Variants in PEG3 observed in about 807,000 individuals in gnomAD.
The protein encoded by PEG3 is paternally expressed 3, also known as paternally-expressed gene 3 protein.
Under a neutral mutation model 35.5 loss-of-function variants are expected in PEG3, and 23 were observed. That is an observed-to-expected ratio of 0.65 (90% CI 0.47 to 0.92). The LOEUF (loss-of-function observed/expected upper bound fraction) is 0.92. Ranked by LOEUF, PEG3 falls within the 40% of genes least tolerant of loss-of-function variation. The pLI, the probability that PEG3 is intolerant of heterozygous loss-of-function variation, is 0.00. For synonymous variants in PEG3, 707 were observed against 697.0 expected (o/e 1.01, Z -0.23); for missense variants, 1,960 against 1,985.3 (o/e 0.99, Z 0.24).
intron 7 of PEG3, 77 bp downstream of exon 7, chr19:56,821,574 A>G: frequency 6.4e-7 from 1 of 1,562,560 alleles, no homozygotes; most frequent in Non-Finnish European, 8.7e-7. Flanking sequence ...AGATAAACAC[A>G]CCATCTGGGG....
Position 56,812,635 on chromosome 19 carries a change from G to A in PEG3, c.*1040C>T, listed in dbSNP as rs1426540655. The A allele has an allele frequency of 2.0e-6, 2 of 985,668 alleles. No homozygotes were observed. The highest frequency in any genetic ancestry group is 2.4e-6 in the Non-Finnish European group (2 of 829,892). The allele number at this position is 985,668 out of a possible 1,614,324, so 61.1% of individuals were successfully genotyped here. A position where few individuals can be genotyped will look rare whatever the true frequency, so the allele number is the denominator to read the frequency against. On this transcript the variant is annotated 3_prime_UTR_variant, in exon 10 of 10. Transcript: ENST00000326441. The stretch of plus-strand genomic sequence containing the variant: ...GAAGCGCACAAAGGAAGTGATGAAA[G>A]GTTATTAGCCTGCAACATTATTTAC...
At chr19:56,819,098 T>C (rs1397492328) in intron 7 of PEG3, among the ~76,000 whole-genome samples, 1 of 152,146 alleles carries the variant, frequency 6.6e-6, no homozygotes, top group Non-Finnish European at 1.5e-5. Flanking sequence ...AGGTGGGGCC[T>C]TAAGTGGTAA....
intron 2 of PEG3, among the ~76,000 whole-genome samples, chr19:56,834,941 T>C (rs751872112): frequency 6.6e-6 from 1 of 152,192 alleles, no homozygotes; most frequent in Non-Finnish European, 1.5e-5. Context: ...CAATGCTTGC[T>C]AACAAATGAA....
rs1568646105 is a variant in PEG3, at chr19:56,817,472, G to GT, written c.969dup (p.Arg324ThrfsTer24). The GT allele has an allele frequency of 6.2e-7, 1 of 1,613,514 alleles. No individual in the cohort carries two copies. The highest frequency in any genetic ancestry group is 1.1e-5 in the South Asian group (1 of 91,050). The stretch of plus-strand genomic sequence containing the variant: ...CTTGCTCTTCCCGATTTGGAACTGC[G>GT]TGACACATCCTTGATGAATTTTTCC... On this transcript the variant is annotated frameshift_variant, in exon 10 of 10. Coordinates refer to ENST00000326441, the MANE Select transcript of PEG3 (RefSeq NM_006210.3). LOFTEE classifies it low-confidence loss of function (END_TRUNC).
intron 2 of PEG3, among the ~76,000 whole-genome samples, chr19:56,835,746 C>A (rs537975991): frequency 6.6e-6 from 1 of 152,310 alleles, no homozygotes; most frequent in Non-Finnish European, 1.5e-5. Context: ...TCTCATGCTT[C>A]TTTAATCACC....
rs760783630 is a variant in PEG3 at position 56,815,447 on chromosome 19, T to A, written c.2995A>T (p.Ser999Cys). Residue 999 changes from serine (S) to cysteine (C), a missense_variant, in exon 10 of 10, where the codon AGC becomes TGC. Ser to Cys is a moderately radical substitution (Grantham distance 112). Transcript: ENST00000326441. Reference protein sequence around the residue: ...KIHDREKPSGSRNYEWSVIRS... With the variant: ...KIHDREKPSGCRNYEWSVIRS... ...ATGACAGACCATTCATAGTTTCTGCTTCCAGAGGGCTTCTCCCTATCATGA... is the reference window on the plus strand; with the variant it reads ...ATGACAGACCATTCATAGTTTCTGCATCCAGAGGGCTTCTCCCTATCATGA... The A allele has an allele frequency of 1.2e-6, 2 of 1,614,132 alleles. No individual in the cohort carries two copies. The highest frequency in any genetic ancestry group is 1.7e-6 in the Non-Finnish European group (2 of 1,179,976).
intron 2 of PEG3, among the ~76,000 whole-genome samples, chr19:56,834,905 A>G (rs193234325): frequency 4.3e-4 from 65 of 152,296 alleles, no homozygotes; most frequent in Admixed American, 2.0e-3. Context: ...GCCTGGCATG[A>G]TCCTGTCCTG....
chr19:56,816,559 T>G lies in PEG3; in HGVS notation c.1883A>C (p.Glu628Ala), dbSNP rs2059995744. 3.7e-6 allele frequency: 6 copies of G among 1,613,940 alleles called. No homozygotes were observed. Among genetic ancestry groups the G allele is most frequent in the Non-Finnish European group, 5.1e-6 (6 of 1,179,976 alleles). Reference sequence around the variant, plus strand: ...GAAAGTCTCCCCACACACCTTACATTCGTACATTTTCTCTTTACCATACAT... The same window carrying G: ...GAAAGTCTCCCCACACACCTTACATGCGTACATTTTCTCTTTACCATACAT... ...QKMYGKEKMY[E>A]CKVCGETFLH... Residue 628 changes from glutamate to alanine, a missense_variant, in exon 10 of 10, where the codon GAA becomes GCA. Glu to Ala is a moderately radical substitution (Grantham distance 107). Coordinates refer to ENST00000326441, the MANE Select transcript of PEG3 (RefSeq NM_006210.3).
chr19:56,835,524 C>T (rs1192840025), intron 2 of PEG3, among the ~76,000 whole-genome samples: 5 of 152,212 alleles, frequency 3.3e-5, no homozygotes, highest in Non-Finnish European at 7.3e-5. Flanking sequence ...CTCAGGGAGG[C>T]CCCTATGTGG....
rs1172221593 is a variant in PEG3, at chr19:56,810,768, T to C, written c.*2907A>G. The C allele has an allele frequency of 1.0e-5, 10 of 982,152 alleles. No homozygotes were observed. The highest frequency in any genetic ancestry group is 5.2e-4 in the Middle Eastern group (1 of 1,924). The allele number at this position is 982,152 out of a possible 1,614,324, so 60.8% of individuals were successfully genotyped here. ...CACAAGCGTGTGCACTGAAACAAGA[T>C]AGAGGAAACAGATCAAGATGTTAGC... is the stretch of plus-strand genomic sequence containing the variant. On this transcript the variant is annotated 3_prime_UTR_variant, in exon 10 of 10. Transcript: ENST00000326441.
chr19:56,811,544 GA>G lies in PEG3; in HGVS notation c.*2130del. The G allele has an allele frequency of 2.0e-6, 2 of 985,282 alleles. No individual in the cohort carries two copies. Among genetic ancestry groups the G allele is most frequent in the Non-Finnish European group, 2.4e-6 (2 of 829,858 alleles). The allele number at this position is 985,282 out of a possible 1,614,324, so 61.0% of individuals were successfully genotyped here. A position where few individuals can be genotyped will look rare whatever the true frequency, so the allele number is the denominator to read the frequency against. ...ATTTGTTACTACCTTTTCACTAGCTGAAGGTTGGAACGGACACCCTGACTTA... is the reference window on the plus strand; with the variant it reads ...ATTTGTTACTACCTTTTCACTAGCTGAGGTTGGAACGGACACCCTGACTTA... On this transcript the variant is annotated 3_prime_UTR_variant, in exon 10 of 10. Transcript: ENST00000326441.
rs573640401 is a variant in PEG3 at position 56,828,720 on chromosome 19, T to C, written c.-162-2257A>G. On this transcript the variant is annotated intron_variant, in intron 2 of 9. Coordinates refer to ENST00000326441, the MANE Select transcript of PEG3 (RefSeq NM_006210.3). ...AAAAGGCTTTTGGCATTAGGAAAAA[T>C]AGCCCAATATGAAAATAAACAACAC... Among the ~76,000 whole-genome samples the C allele has an allele frequency of 1.9e-4, 29 of 152,284 alleles. No individual in the cohort carries two copies. In the South Asian group the frequency reaches 4.8e-3, roughly 25 times the overall value.
At chr19:56,821,827 A>C in intron 6 of PEG3, 73 bp from the exon 7 acceptor site, 1 of 1,522,404 alleles carries the variant, frequency 6.6e-7, no homozygotes, top group South Asian at 1.1e-5. Context: ...GTCCCACTCA[A>C]CTATGAAGCC....
rs117944044 is a variant in PEG3, at chr19:56,836,454, G to A, written c.-249-350C>T. ...CCCATGTTAGGACCGCTATCCTATC[G>A]TTATTATTAGGTAATAGTACCCTTT... On this transcript the variant is annotated intron_variant, in intron 1 of 9. Coordinates refer to ENST00000326441, the MANE Select transcript of PEG3 (RefSeq NM_006210.3). Among the ~76,000 whole-genome samples the A allele has an allele frequency of 9.1e-3, 1,383 of 152,232 alleles. 12 individuals are homozygous for A. The highest frequency in any genetic ancestry group is 0.021 in the Middle Eastern group (6 of 292).
In PEG3 at chr19:56,828,208, T is replaced by TA. The variant is rs150275552; in HGVS notation, c.-162-1746_-162-1745insT. 6.1e-3 allele frequency among the ~76,000 whole-genome samples: 933 copies of TA among 152,226 alleles called. 9 individuals are homozygous for TA. The highest frequency in any genetic ancestry group is 0.022 in the African/African-American group (901 of 41,534). On this transcript the variant is annotated intron_variant, in intron 2 of 9. Transcript: ENST00000326441. Reference sequence around the variant, plus strand: ...TCCCTATCACCATCCACAGCTTGAATCCATAGTCATACCCTAACCTGGCCA... The same window carrying TA: ...TCCCTATCACCATCCACAGCTTGAATACCATAGTCATACCCTAACCTGGCCA...
Position 56,815,130 on chromosome 19 carries a change from G to A in PEG3, c.3312C>T (p.Asp1104=). 3.1e-6 allele frequency: 5 copies of A among 1,613,844 alleles called. No homozygotes were observed. Among genetic ancestry groups the A allele is most frequent in the Non-Finnish European group, 3.4e-6 (4 of 1,179,888 alleles). ...MEDPQKDDPD[D]KIYECEDCGL... ...CACAGTCCTCACATTCATAGATTTTGTCATCAGGGTCATCCTTCTGAGGGT... is the reference window on the plus strand; with the variant it reads ...CACAGTCCTCACATTCATAGATTTTATCATCAGGGTCATCCTTCTGAGGGT... The change falls in exon 10 of 10, where the codon GAC becomes GAT. Residue 1104 remains aspartate, a synonymous_variant. Coordinates refer to ENST00000326441, the MANE Select transcript of PEG3 (RefSeq NM_006210.3).
chr19:56,839,890 C>A (rs2062777782), intron 1 of PEG3, among the ~76,000 whole-genome samples: 1 of 152,382 alleles, frequency 6.6e-6, no homozygotes, highest in South Asian at 2.1e-4. Flanking sequence ...GCCCCATCTG[C>A]CGCCAACCAA....
chr19:56,821,512 C>G (rs74331223), intron 7 of PEG3, 139 bp downstream of exon 7: 3 of 1,015,074 alleles, frequency 3.0e-6, no homozygotes, highest in African/African-American at 3.2e-5. Context: ...GGGATGGGCC[C>G]GGGCTCCTCC....
chr19:56,823,533 A>C, intron 5 of PEG3, 60 bp downstream of exon 5: 1 of 1,608,236 alleles, frequency 6.2e-7, no homozygotes, highest in Non-Finnish European at 8.5e-7. Context: ...CTGTGTCTCC[A>C]TCTGGAAGCA....
Sources: allele counts gnomAD v4.1 joint callset (sites outside exome capture counted in the v4.1 genomes callset), GRCh38; gene constraint gnomAD v4.1.1; transcripts MANE v1.5; gene names NCBI Gene and HGNC (gene_info 2026-07-23, HGNC 2026-07-21).